The following TOM1L1 variants were observed in gnomAD, a reference collection of about 807,000 sequenced individuals.
TOM1L1 encodes the protein target of myb1 like 1 membrane trafficking protein, also known as TOM1-like protein 1.
A neutral mutation model predicts 63.4 loss-of-function variants in TOM1L1; 64 were observed. That is an observed-to-expected ratio of 1.01 (90% CI 0.83 to 1.24). The LOEUF (loss-of-function observed/expected upper bound fraction) is 1.24, where lower values mean the gene tolerates loss of function less well. Ranked by LOEUF, TOM1L1 falls within the 50% of genes most tolerant of loss-of-function variation. The probability of loss-of-function intolerance (pLI) is 0.00; values close to 1 mark genes in which losing one functional copy is unlikely to be tolerated. For synonymous variants in TOM1L1, 166 were observed against 194.4 expected (o/e 0.85, Z 1.22); for missense variants, 536 against 567.0 (o/e 0.95, Z 0.55).
intron 7 of TOM1L1, among the ~76,000 whole-genome samples, chr17:54,922,166 G>A (rs1273714042): frequency 3.3e-5 from 5 of 152,012 alleles, no homozygotes; most frequent in East Asian, 1.9e-4. Flanking sequence ...GGTGGTGGGC[G>A]CCTGTAGTCC....
Position 54,938,989 on chromosome 17 carries a change from T to C in TOM1L1, c.1099T>C (p.Leu367=). Residue 367 remains leucine, a synonymous_variant, in exon 11 of 16, where the codon TTG becomes CTG. Coordinates refer to ENST00000575882, the MANE Select transcript of TOM1L1 (RefSeq NM_005486.3). Reference sequence around the variant, plus strand: ...ACCCAGTCTTCATCCACAGATGAACTTGCTAGCCTTGGAGAATACAGAGAT... The same window carrying C: ...ACCCAGTCTTCATCCACAGATGAACCTGCTAGCCTTGGAGAATACAGAGAT... ...LKPSLHPQMN[L]LALENTEIPP... is the part of the protein sequence containing the mutation. The C allele has an allele frequency of 6.2e-7, 1 of 1,612,290 alleles. No individual in the cohort carries two copies. Among genetic ancestry groups the C allele is most frequent in the Non-Finnish European group, 8.5e-7 (1 of 1,178,656 alleles).
At chr17:54,902,389 A>T (rs2048341305) in intron 1 of TOM1L1, among the ~76,000 whole-genome samples, 1 of 152,142 alleles carries the variant, frequency 6.6e-6, no homozygotes, top group Admixed American at 6.5e-5. Context: ...TACCGGGTTC[A>T]AGCACTTCTC....
intron 7 of TOM1L1, among the ~76,000 whole-genome samples, chr17:54,925,460 A>G (rs2048752441): frequency 6.6e-6 from 1 of 152,224 alleles, no homozygotes; most frequent in Non-Finnish European, 1.5e-5. Context: ...CCCAGGGCAC[A>G]GAGTTAAGGC....
chr17:54,938,355 G>A (rs1482620036), intron 10 of TOM1L1, among the ~76,000 whole-genome samples: 1 of 151,956 alleles, frequency 6.6e-6, no homozygotes, highest in African/African-American at 2.4e-5. Context: ...TTAGCCGGGA[G>A]TGGTGGTGGG....
At chr17:54,932,086 C>T (rs571275570) in intron 8 of TOM1L1, among the ~76,000 whole-genome samples, 28 of 151,858 alleles carry the variant, frequency 1.8e-4, no homozygotes, top group South Asian at 6.2e-4. Context: ...TGTAGCAGGA[C>T]GAGCCGCAGA....
At chr17:54,946,942 T>G (rs1396695177) in intron 11 of TOM1L1, among the ~76,000 whole-genome samples, 1 of 152,150 alleles carries the variant, frequency 6.6e-6, no homozygotes, top group Admixed American at 6.5e-5. Flanking sequence ...ACCTCACAGC[T>G]TTCTTCTTAA....
chr17:54,929,164 G>A (rs960849264), intron 7 of TOM1L1, among the ~76,000 whole-genome samples: 1 of 152,172 alleles, frequency 6.6e-6, no homozygotes, highest in Non-Finnish European at 1.5e-5. Context: ...GCCAAGGTGG[G>A]ATTGGAAATA....
intron 14 of TOM1L1, chr17:54,951,801 A>AG (rs1002018453): frequency 2.0e-5 from 3 of 152,228 alleles, no homozygotes; most frequent in South Asian, 4.1e-4. Context: ...TCCTTTACAC[A>AG]GGTAGGCTCT....
intron 11 of TOM1L1, among the ~76,000 whole-genome samples, chr17:54,944,837 T>C (rs561641157): frequency 6.6e-6 from 1 of 152,222 alleles, no homozygotes; most frequent in Non-Finnish European, 1.5e-5. Context: ...TTTCTTTTTA[T>C]CCAATTTTGA....
In TOM1L1 at chr17:54,913,493, G is replaced by C. The variant is rs185892261; in HGVS notation, c.373-255G>C. 2.9e-3 allele frequency among the ~76,000 whole-genome samples: 436 copies of C among 152,004 alleles called. 5 individuals are homozygous for C. The highest frequency in any genetic ancestry group is 0.01 in the African/African-American group (416 of 41,464). On this transcript the variant is annotated intron_variant, in intron 4 of 15. Coordinates refer to ENST00000575882, the MANE Select transcript of TOM1L1 (RefSeq NM_005486.3). ...AGCCTGGCCAACATAGTGAAACCCC[G>C]TCTCTACTAAAAAATACAAAAAGTA...
Position 54,949,635 on chromosome 17 carries a change from CTTA to C in TOM1L1, c.1288+18_1288+20del, listed in dbSNP as rs1043775239. The C allele has an allele frequency of 5.6e-6, 9 of 1,595,056 alleles. No individual in the cohort carries two copies. The highest frequency in any genetic ancestry group is 1.3e-5 in the African/African-American group (1 of 74,492). ...CAGCAATCATCCAGGTACATGGGAC[CTTA>C]TTATTCGCATCAAATAAGGAAACTT... On this transcript the variant is annotated intron_variant, in intron 13 of 15. Coordinates refer to ENST00000575882, the MANE Select transcript of TOM1L1 (RefSeq NM_005486.3).
At position 54,950,150 on chromosome 17, in the gene TOM1L1, A is replaced by T. The variant is rs758708766; in HGVS notation, c.1370+24A>T. ...GAGTAAGTCATTTACAAAATGATTA[A>T]TTTATTTTTTGTCTTGGTTCCCTTT... On this transcript the variant is annotated intron_variant, in intron 14 of 15. Coordinates refer to ENST00000575882, the MANE Select transcript of TOM1L1 (RefSeq NM_005486.3). The T allele has an allele frequency of 4.4e-6, 7 of 1,584,124 alleles. No individual in the cohort carries two copies. The Admixed American group carries it at 1.0e-4, about 23-fold the overall frequency.
chr17:54,927,132 A>G lies in TOM1L1; in HGVS notation c.721-2941A>G, dbSNP rs77245115. Among the ~76,000 whole-genome samples the G allele has an allele frequency of 7.7e-4, 118 of 152,340 alleles. 1 individual carries two copies. The highest frequency in any genetic ancestry group is 3.4e-3 in the Middle Eastern group (1 of 294). On this transcript the variant is annotated intron_variant, in intron 7 of 15. Transcript: ENST00000575882. ...AGGAAAGAGACTATATGAGCAAGTT[A>G]AGTTGAAAAATGTTTAGTTTTAGAG...
chr17:54,929,693 G>A (rs2048824417), intron 7 of TOM1L1, among the ~76,000 whole-genome samples: 1 of 149,928 alleles, frequency 6.7e-6, no homozygotes, highest in African/African-American at 2.5e-5. Flanking sequence ...GTGGCAAGGG[G>A]TATAATTTTC....
At chr17:54,917,631 C>T (rs966092220) in intron 7 of TOM1L1, among the ~76,000 whole-genome samples, 3 of 151,982 alleles carry the variant, frequency 2.0e-5, no homozygotes, top group African/African-American at 2.4e-5. Flanking sequence ...CTCTCCTTTG[C>T]AAATTTTTTG....
At chr17:54,954,401 G>A (rs1436510281) in intron 14 of TOM1L1, 1 of 152,226 alleles carries the variant, frequency 6.6e-6, no homozygotes, top group Non-Finnish European at 1.5e-5. Context: ...CATGCTCTGA[G>A]TGGCAACAGT....
At chr17:54,918,771 C>T (rs952631267) in intron 7 of TOM1L1, among the ~76,000 whole-genome samples, 6 of 152,108 alleles carry the variant, frequency 3.9e-5, no homozygotes, top group Non-Finnish European at 7.4e-5. Flanking sequence ...TTTGTAAAAC[C>T]AATTGTCTAC....
chr17:54,946,530 C>T (rs11870311), intron 11 of TOM1L1, among the ~76,000 whole-genome samples: 34,801 of 152,054 alleles, frequency 0.23, 4,470 homozygotes, highest in South Asian at 0.31. Flanking sequence ...CCTCGGCTGT[C>T]GCTACAGCCA....
intron 7 of TOM1L1, among the ~76,000 whole-genome samples, chr17:54,918,075 T>C (rs370900230): frequency 6.6e-6 from 1 of 152,234 alleles, no homozygotes; most frequent in East Asian, 1.9e-4. Context: ...CTTGTGCTTC[T>C]TGGCTTCTGG....
Sources: allele counts gnomAD v4.1 joint callset (sites outside exome capture counted in the v4.1 genomes callset), GRCh38; gene constraint gnomAD v4.1.1; transcripts MANE v1.5; gene names NCBI Gene and HGNC (gene_info 2026-07-23, HGNC 2026-07-21).